The following GRID2 variants were observed in gnomAD, a reference collection of about 807,000 sequenced individuals.
GRID2 encodes the protein glutamate ionotropic receptor delta type subunit 2.
In GRID2, 33 loss-of-function variants were observed where a neutral mutation model predicts 114.8. That is an observed-to-expected ratio of 0.29 (90% confidence interval 0.22 to 0.38). The LOEUF is 0.38. Among genes scored for constraint, GRID2 ranks in the 10% least tolerant of loss-of-function variants. The pLI, the probability that GRID2 is intolerant of heterozygous loss-of-function variation, is 1.00. For synonymous variants in GRID2, 505 were observed against 449.9 expected (o/e 1.12, Z -1.55); for missense variants, 1,184 against 1,257.7 (o/e 0.94, Z 0.89).
At chr4:92,978,189 G>T (rs763615851) in intron 2 of GRID2, among the ~76,000 whole-genome samples, 2 of 152,076 alleles carry the variant, frequency 1.3e-5, no homozygotes, top group Non-Finnish European at 2.9e-5. Context: ...AAACCAAGAC[G>T]CACTGAATGT....
chr4:93,494,703 A>G (rs1727359454), intron 12 of GRID2, among the ~76,000 whole-genome samples: 1 of 151,666 alleles, frequency 6.6e-6, no homozygotes, highest in Non-Finnish European at 1.5e-5. Flanking sequence ...CTTAAAGGGA[A>G]AAAAAATGCC....
At chr4:92,691,987 G>A (rs1218718697) in intron 2 of GRID2, among the ~76,000 whole-genome samples, 1 of 152,112 alleles carries the variant, frequency 6.6e-6, no homozygotes, top group East Asian at 1.9e-4. Context: ...GAAAAGAACT[G>A]TTGCTTCATT....
At chr4:93,193,651 A>C (rs1741208718) in intron 4 of GRID2, among the ~76,000 whole-genome samples, 1 of 152,186 alleles carries the variant, frequency 6.6e-6, no homozygotes, top group Non-Finnish European at 1.5e-5. Context: ...AGTATGGACT[A>C]ATATATCCTT....
intron 8 of GRID2, among the ~76,000 whole-genome samples, chr4:93,323,953 A>C: frequency 6.6e-6 from 1 of 152,136 alleles, no homozygotes; most frequent in Non-Finnish European, 1.5e-5. Context: ...TTGGGCTGAG[A>C]CGATGGGGTT....
At chr4:92,689,820 T>G (rs1305019376) in intron 2 of GRID2, among the ~76,000 whole-genome samples, 5 of 152,162 alleles carry the variant, frequency 3.3e-5, no homozygotes, top group African/African-American at 9.7e-5. Context: ...GATAGCTTCT[T>G]TGGCTAAACT....
At chr4:93,140,530 T>C (rs1422944149) in intron 4 of GRID2, among the ~76,000 whole-genome samples, 2 of 152,170 alleles carry the variant, frequency 1.3e-5, no homozygotes, top group African/African-American at 4.8e-5. Flanking sequence ...AAATACAACT[T>C]CATCTATTCC....
intron 2 of GRID2, among the ~76,000 whole-genome samples, chr4:92,971,118 G>C (rs572016661): frequency 1.3e-5 from 2 of 151,906 alleles, no homozygotes; most frequent in Non-Finnish European, 2.9e-5. Flanking sequence ...TTACAGGCAT[G>C]AGCCACTGTG....
At chr4:93,413,638 G>A (rs1016893330) in intron 9 of GRID2, among the ~76,000 whole-genome samples, 50 of 152,190 alleles carry the variant, frequency 3.3e-4, no homozygotes, top group Admixed American at 4.6e-4. Context: ...TTCCCCAAAG[G>A]TATGTTAAGA....
chr4:93,131,145 A>ATTTTTTTTTTTTTTTTTTT lies in GRID2; in HGVS notation c.735+20198_735+20216dup, dbSNP rs34215461. Among the ~76,000 whole-genome samples the ATTTTTTTTTTTTTTTTTTT allele has an allele frequency of 9.1e-4, 81 of 88,750 alleles. 5 individuals carry two copies. Among genetic ancestry groups the ATTTTTTTTTTTTTTTTTTT allele is most frequent in the East Asian group, 2.2e-3 (6 of 2,716 alleles). The allele number at this position is 88,750 out of a possible 152,430, so 58.2% of individuals were successfully genotyped here. ...AGAACTTCCATGAAAAGATTAAATAATTTTTTTTTTTTTTTTTTTTTTTTG... is the reference window on the plus strand; with the variant it reads ...AGAACTTCCATGAAAAGATTAAATAATTTTTTTTTTTTTTTTTTTTTTTTTTTTTTTTTTTTTTTTTTTG... On this transcript the variant is annotated intron_variant, in intron 4 of 15. Coordinates refer to ENST00000282020, the MANE Select transcript of GRID2 (RefSeq NM_001510.4).
At chr4:93,223,829 A>G (rs1043997487) in intron 6 of GRID2, among the ~76,000 whole-genome samples, 9 of 152,162 alleles carry the variant, frequency 5.9e-5, no homozygotes, top group Non-Finnish European at 1.0e-4. Flanking sequence ...GACAGTATAA[A>G]TAGTAGTTCT....
intron 11 of GRID2, among the ~76,000 whole-genome samples, chr4:93,489,803 A>G (rs1580227964): frequency 6.6e-6 from 1 of 151,930 alleles, no homozygotes; most frequent in African/African-American, 2.4e-5. Flanking sequence ...GGCTTGAAGG[A>G]GAGTTAATTT....
chr4:92,619,365 G>A (rs1436434600), intron 2 of GRID2, among the ~76,000 whole-genome samples: 6 of 151,692 alleles, frequency 4.0e-5, no homozygotes. Context: ...AATATATGCA[G>A]CTTCCCAGAC....
intron 4 of GRID2, among the ~76,000 whole-genome samples, chr4:93,126,962 A>G (rs1006686275): frequency 6.6e-6 from 1 of 152,080 alleles, no homozygotes; most frequent in Non-Finnish European, 1.5e-5. Context: ...ATTACTTTTC[A>G]CTTTACCACT....
At chr4:93,687,355 T>C (rs1055644921) in intron 14 of GRID2, among the ~76,000 whole-genome samples, 1 of 151,864 alleles carries the variant, frequency 6.6e-6, no homozygotes, top group Admixed American at 6.6e-5. Context: ...CAGTGGGAGA[T>C]CTTAGCCAGT....
intron 2 of GRID2, among the ~76,000 whole-genome samples, chr4:92,664,279 A>G (rs1001014472): frequency 6.6e-6 from 1 of 150,782 alleles, no homozygotes; most frequent in Non-Finnish European, 1.5e-5. Flanking sequence ...GGTTTGTTGC[A>G]TTTTTGTTTT....
chr4:93,252,832 G>A (rs1749127122), intron 8 of GRID2, among the ~76,000 whole-genome samples: 1 of 151,992 alleles, frequency 6.6e-6, no homozygotes, highest in African/African-American at 2.4e-5. Flanking sequence ...TGTGGCAATT[G>A]CAAATGGGAG....
At chr4:92,843,548 G>A (rs1001153661) in intron 2 of GRID2, among the ~76,000 whole-genome samples, 8 of 152,056 alleles carry the variant, frequency 5.3e-5, no homozygotes, top group African/African-American at 1.9e-4. Flanking sequence ...ACATTTTCAT[G>A]AGGAATAACT....
At chr4:93,527,601 AAT>A (rs1731040293) in intron 13 of GRID2, among the ~76,000 whole-genome samples, 1 of 152,122 alleles carries the variant, frequency 6.6e-6, no homozygotes, top group Non-Finnish European at 1.5e-5. Context: ...ATTGGCTTGT[AAT>A]ATAATCTAAG....
At chr4:92,783,937 A>T (rs193108758) in intron 2 of GRID2, among the ~76,000 whole-genome samples, 1 of 152,026 alleles carries the variant, frequency 6.6e-6, no homozygotes, top group Admixed American at 6.6e-5. Flanking sequence ...CTATTTTAAA[A>T]CTTCTTAAGA....
Sources: gnomAD v4.1 joint callset for allele counts (sites outside exome capture counted in the v4.1 genomes callset) on GRCh38, gnomAD v4.1.1 for gene constraint, MANE v1.5 for transcripts, NCBI Gene and HGNC (gene_info 2026-07-23, HGNC 2026-07-21) for gene names.